SLC22A23: variants seen among roughly 807,000 people sequenced by gnomAD.
SLC22A23 encodes solute carrier family 22 member 23.
In SLC22A23, 26 loss-of-function variants were observed where a neutral mutation model predicts 61.0. The ratio of observed to expected loss-of-function variants is 0.43; its 90% CI spans 0.31 to 0.59. SLC22A23 has a LOEUF of 0.59. Ranked by LOEUF, SLC22A23 falls within the 20% of genes least tolerant of loss-of-function variation. The probability of loss-of-function intolerance (pLI) is 0.11; values close to 1 mark genes in which losing one functional copy is unlikely to be tolerated. For synonymous variants in SLC22A23, 430 were observed against 413.9 expected (o/e 1.04, Z -0.47); for missense variants, 796 against 934.7 (o/e 0.85, Z 1.94).
At chr6:3,449,244 C>A (rs1010040422) in intron 1 of SLC22A23, among the ~76,000 whole-genome samples, 1 of 152,214 alleles carries the variant, frequency 6.6e-6, no homozygotes, top group African/African-American at 2.4e-5. Flanking sequence ...TAGGATTTCC[C>A]CCCAGTCTTC....
At chr6:3,448,434 C>T (rs1164302110) in intron 1 of SLC22A23, among the ~76,000 whole-genome samples, 11 of 152,334 alleles carry the variant, frequency 7.2e-5, no homozygotes, top group Admixed American at 5.9e-4. Flanking sequence ...CTCCCACACA[C>T]CACCAGTTTG....
intron 3 of SLC22A23, among the ~76,000 whole-genome samples, chr6:3,384,027 G>A (rs1025537982): frequency 1.3e-5 from 2 of 152,174 alleles, no homozygotes; most frequent in South Asian, 2.1e-4. Flanking sequence ...CCGGATGTCC[G>A]CAGTAATGAT....
At position 3,272,851 on chromosome 6, in the gene SLC22A23, CTTGAAAGGG is replaced by C. The variant is rs1233454991; in HGVS notation, c.*195_*203del. ...CACATTTAACGGCAGAAAAGAAAGT[CTTGAAAGGG>C]TTATTTCCAAAGAGTTTGTCTCCTC... On this transcript the variant is annotated 3_prime_UTR_variant, in exon 10 of 10. Transcript: ENST00000406686. 3.6e-5 allele frequency: 18 copies of C among 495,596 alleles called. No homozygotes were observed. In the East Asian group the frequency reaches 5.9e-4, roughly 16 times the overall value. The allele number at this position is 495,596 out of a possible 1,614,324, so 30.7% of individuals were successfully genotyped here.
At position 3,456,662 on chromosome 6, in the gene SLC22A23, C is replaced by T; in HGVS notation, c.-103G>A. The T allele has an allele frequency of 5.5e-6, 4 of 728,120 alleles. No individual in the cohort carries two copies. In the South Asian group the frequency reaches 2.4e-4, roughly 44 times the overall value. The allele number at this position is 728,120 out of a possible 1,614,324, so 45.1% of individuals were successfully genotyped here. A position where few individuals can be genotyped will look rare whatever the true frequency, so the allele number is the denominator to read the frequency against. On this transcript the variant is annotated 5_prime_UTR_variant, in exon 1 of 10. Coordinates refer to ENST00000406686, the MANE Select transcript of SLC22A23 (RefSeq NM_015482.2). This position sits in a 1 kb window ranked among gnomAD's most constrained non-coding sequence, Gnocchi z 7.1. ...GGCCAGGCGCCTGCAGCCGCTGCCGCCGAGGAGGGCCCGCGGCTCGAGAGA... is the reference window on the plus strand; with the variant it reads ...GGCCAGGCGCCTGCAGCCGCTGCCGTCGAGGAGGGCCCGCGGCTCGAGAGA...
Position 3,360,564 on chromosome 6 carries a change from T to C in SLC22A23, c.914-36562A>G, listed in dbSNP as rs1765371024. 6.6e-6 allele frequency among the ~76,000 whole-genome samples: 1 copy of C among 152,250 alleles called. No individual in the cohort carries two copies. Among genetic ancestry groups the C allele is most frequent in the Non-Finnish European group, 1.5e-5 (1 of 68,040 alleles). On this transcript the variant is annotated intron_variant, in intron 3 of 9. Transcript: ENST00000406686. The surrounding 1 kb of genome is among the most constrained non-coding windows in gnomAD (Gnocchi z 4.6). ...GGCTCAACCGTGGAGGGAGGTCACT[T>C]TGGGGCCTTTGCACACATCCGAGTC...
rs1761178229 is a variant in SLC22A23, at chr6:3,297,114, C to T, written c.1210+977G>A. ...GTAACTTCCCTGTCTGTGTGCCCCA[C>T]CTGCCTGCAAGTTACGTGAGAGCAA... On this transcript the variant is annotated intron_variant, in intron 5 of 9. Transcript: ENST00000406686. The surrounding 1 kb of genome is among the most constrained non-coding windows in gnomAD (Gnocchi z 4.3). Among the ~76,000 whole-genome samples, 1 of 152,246 alleles carries T rather than the reference C, an allele frequency of 6.6e-6. No homozygotes were observed. The highest frequency in any genetic ancestry group is 1.5e-5 in the Non-Finnish European group (1 of 68,044).
chr6:3,286,831 A>ACC lies in SLC22A23; in HGVS notation c.1546+26_1546+27dup, dbSNP rs1760056761. On this transcript the variant is annotated intron_variant, in intron 7 of 9. Transcript: ENST00000406686. This position sits in a 1 kb window ranked among gnomAD's most constrained non-coding sequence, Gnocchi z 4.2. ...GGGATCTGCCAGCTTCCCTCCCTGC[A>ACC]CCCAGCCCACCTCCCCGACCCACTC... The ACC allele has an allele frequency of 6.4e-7, 1 of 1,552,730 alleles. No individual in the cohort carries two copies. The highest frequency in any genetic ancestry group is 8.7e-7 in the Non-Finnish European group (1 of 1,145,450).
intron 1 of SLC22A23, among the ~76,000 whole-genome samples, chr6:3,431,635 A>G (rs1391490416): frequency 6.6e-6 from 1 of 152,236 alleles, no homozygotes; most frequent in African/African-American, 2.4e-5. Flanking sequence ...TTTGGAAAGT[A>G]GGAATAGAGA....
chr6:3,338,598 C>A (rs1459206103), intron 3 of SLC22A23, among the ~76,000 whole-genome samples: 1 of 152,252 alleles, frequency 6.6e-6, no homozygotes, highest in Admixed American at 6.5e-5. Flanking sequence ...GCGTGAGCCA[C>A]TGTGCCTGGC....
chr6:3,409,649 CAG>C (rs1171820795), intron 3 of SLC22A23, among the ~76,000 whole-genome samples: 1 of 152,158 alleles, frequency 6.6e-6, no homozygotes, highest in Non-Finnish European at 1.5e-5. Flanking sequence ...CTATATTCAG[CAG>C]AGTTAATACA....
At position 3,421,298 on chromosome 6, in the gene SLC22A23, C is replaced by A. The variant is rs114009768; in HGVS notation, c.655-5443G>T. Among the ~76,000 whole-genome samples, 832 of 152,216 alleles carry A rather than the reference C, an allele frequency of 5.5e-3. 9 individuals carry two copies. Among genetic ancestry groups the A allele is most frequent in the African/African-American group, 0.019 (802 of 41,534 alleles). On this transcript the variant is annotated intron_variant, in intron 1 of 9. Transcript: ENST00000406686. ...CTTTAAATGGGGTCTACTCTTTATCCCAGCAATTCCCTTTCTTGGAACTTT... is the reference window on the plus strand; with the variant it reads ...CTTTAAATGGGGTCTACTCTTTATCACAGCAATTCCCTTTCTTGGAACTTT...
chr6:3,293,438 C>T (rs1760797713), intron 5 of SLC22A23, among the ~76,000 whole-genome samples: 1 of 152,208 alleles, frequency 6.6e-6, no homozygotes, highest in Non-Finnish European at 1.5e-5. Context: ...TAGAATGGGG[C>T]CACTCGGCCA....
intron 7 of SLC22A23, 69 bp from the exon 8 acceptor site, chr6:3,285,180 C>T: frequency 6.3e-7 from 1 of 1,595,608 alleles, no homozygotes; most frequent in South Asian, 1.1e-5. Context: ...GAAGAGAGCA[C>T]ATTAGGTGTG....
At chr6:3,403,837 C>T (rs944005316) in intron 3 of SLC22A23, among the ~76,000 whole-genome samples, 30 of 152,168 alleles carry the variant, frequency 2.0e-4, no homozygotes, top group African/African-American at 7.0e-4. Flanking sequence ...ACGAGTTATC[C>T]CAGGAAGCGA....
intron 1 of SLC22A23, among the ~76,000 whole-genome samples, chr6:3,430,091 T>C (rs1204768260): frequency 6.6e-6 from 1 of 152,222 alleles, no homozygotes; most frequent in East Asian, 1.9e-4. Flanking sequence ...AAAGAAAGTG[T>C]TATCTTCAGG....
intron 3 of SLC22A23, among the ~76,000 whole-genome samples, chr6:3,378,579 C>A (rs1192259405): frequency 6.6e-6 from 1 of 151,790 alleles, no homozygotes; most frequent in African/African-American, 2.4e-5. Context: ...CTCACCCTGG[C>A]TCAGATACCA....
At position 3,427,360 on chromosome 6, in the gene SLC22A23, C is replaced by G. The variant is rs1227901733; in HGVS notation, c.655-11505G>C. ...TTTGGATCTGAGAGTAATAAAACTA[C>G]TTCAAAAAGGGTTTTGATTACTTAG... On this transcript the variant is annotated intron_variant, in intron 1 of 9. Transcript: ENST00000406686. This position sits in a 1 kb window ranked among gnomAD's most constrained non-coding sequence, Gnocchi z 4.3. 6.7e-6 allele frequency among the ~76,000 whole-genome samples: 1 copy of G among 149,996 alleles called. No individual in the cohort carries two copies.
rs755001044 is a variant in SLC22A23 at position 3,283,867 on chromosome 6, G to A, written c.1688C>T (p.Thr563Ile). Residue 563 changes from threonine (T) to isoleucine (I), a missense_variant, in exon 9 of 10, where the codon ACC becomes ATC. By Grantham distance (89) the Thr-to-Ile change is moderately conservative (BLOSUM62 -1). Transcript: ENST00000406686. The part of the protein sequence containing the change: ...SLSVFFCAEI[T>I]PTVIRCGGLG... The stretch of plus-strand genomic sequence containing the variant: ...CATGACGCACCTTATCACCGTCGGG[G>A]TGATCTCCGCACAGAAGAACACGCT... 1.2e-6 allele frequency: 2 copies of A among 1,613,894 alleles called. No individual in the cohort carries two copies. The highest frequency in any genetic ancestry group is 1.7e-5 in the Admixed American group (1 of 60,026).
chr6:3,286,786 A>T lies in SLC22A23; in HGVS notation c.1546+73T>A. The stretch of plus-strand genomic sequence containing the variant: ...TAGAGTGGCCAGCGGAGTCTTATGC[A>T]GCCCTTTCAAATGCCCTTGGGGATC... On this transcript the variant is annotated intron_variant, in intron 7 of 9. Transcript: ENST00000406686. This position sits in a 1 kb window ranked among gnomAD's most constrained non-coding sequence, Gnocchi z 4.2. The T allele has an allele frequency of 7.8e-7, 1 of 1,282,946 alleles. No individual in the cohort carries two copies. Among genetic ancestry groups the T allele is most frequent in the Non-Finnish European group, 1.1e-6 (1 of 909,440 alleles). The allele number at this position is 1,282,946 out of a possible 1,614,324, so 79.5% of individuals were successfully genotyped here. A position where few individuals can be genotyped will look rare whatever the true frequency, so the allele number is the denominator to read the frequency against.
Sources: allele counts gnomAD v4.1 joint callset (sites outside exome capture counted in the v4.1 genomes callset), GRCh38; gene constraint gnomAD v4.1.1; non-coding constraint Gnocchi (gnomAD v3.1); transcripts MANE v1.5; gene names NCBI Gene and HGNC (gene_info 2026-07-23, HGNC 2026-07-21).